The following PAK1 variants were observed in gnomAD, a reference collection of about 807,000 sequenced individuals.
PAK1 encodes the protein serine/threonine-protein kinase PAK 1.
PAK1 carries 29 observed loss-of-function variants against 67.4 expected under a neutral mutation model. That is an observed-to-expected ratio of 0.43 (90% CI 0.32 to 0.59). The LOEUF (loss-of-function observed/expected upper bound fraction) is 0.59. Among genes scored for constraint, PAK1 ranks in the 20% least tolerant of loss-of-function variants. The pLI, the probability that PAK1 is intolerant of heterozygous loss-of-function variation, is 0.07. For missense variants in PAK1, 337 were observed against 670.7 expected, an observed-to-expected ratio of 0.50 and a Z score of 5.50; for synonymous variants, 223 against 237.4, an observed-to-expected ratio of 0.94 and a Z score of 0.56.
At chr11:77,410,285 G>C (rs573111781) in intron 1 of PAK1, among the ~76,000 whole-genome samples, 1 of 152,028 alleles carries the variant, frequency 6.6e-6, no homozygotes, top group Non-Finnish European at 1.5e-5. Flanking sequence ...TTCCCATCTT[G>C]CTTATTCCCT....
intron 1 of PAK1, among the ~76,000 whole-genome samples, chr11:77,407,720 A>G (rs1241906974): frequency 6.6e-6 from 1 of 152,224 alleles, no homozygotes; most frequent in African/African-American, 2.4e-5. Context: ...GCAACCCGCC[A>G]GAAATTGAAT....
At chr11:77,496,415 G>A in the PAK1 span, among the ~76,000 whole-genome samples, 1 of 152,190 alleles carries the variant, frequency 6.6e-6, no homozygotes, top group East Asian at 1.9e-4. Context: ...CTTGAGCCCA[G>A]GAGTTCAAGA....
chr11:77,353,431 AAAG>A (rs1012470245), intron 8 of PAK1, 102 bp downstream of exon 8: 16 of 766,912 alleles, frequency 2.1e-5, no homozygotes, highest in Non-Finnish European at 3.2e-5. Context: ...TAAAGTGGAG[AAAG>A]AAGAACAAGG....
chr11:77,421,066 TC>T (rs1484671330), intron 1 of PAK1, among the ~76,000 whole-genome samples: 4 of 152,152 alleles, frequency 2.6e-5, no homozygotes, highest in African/African-American at 9.7e-5. Flanking sequence ...TCCTGTGGCT[TC>T]CCCAATCTCA....
chr11:77,344,869 T>C (rs193240110), intron 9 of PAK1, among the ~76,000 whole-genome samples: 85 of 152,338 alleles, frequency 5.6e-4, no homozygotes, highest in African/African-American at 2.0e-3. Context: ...AAAGTTCTCA[T>C]GATCTGGCCC....
chr11:77,436,882 T>C (rs1427440409), intron 1 of PAK1, among the ~76,000 whole-genome samples: 3 of 152,200 alleles, frequency 2.0e-5, no homozygotes, highest in Non-Finnish European at 2.9e-5. Context: ...GGAAGCATCA[T>C]GGTCAATCAC....
the PAK1 span, among the ~76,000 whole-genome samples, chr11:77,522,431 A>G: frequency 6.6e-6 from 1 of 152,194 alleles, no homozygotes; most frequent in South Asian, 2.1e-4. Context: ...CTTCCAGTCA[A>G]AGCCTTAGTA....
the PAK1 span, among the ~76,000 whole-genome samples, chr11:77,527,570 T>A: frequency 5.3e-5 from 8 of 152,210 alleles, no homozygotes; most frequent in Non-Finnish European, 1.0e-4. Context: ...ATAGAGGTAG[T>A]AAGTAGCAGA....
At chr11:77,423,954 T>G (rs1955419015) in intron 1 of PAK1, among the ~76,000 whole-genome samples, 1 of 152,196 alleles carries the variant, frequency 6.6e-6, no homozygotes, top group Non-Finnish European at 1.5e-5. Flanking sequence ...ATTTAAAATC[T>G]GAGTCTAGTG....
At chr11:77,482,415 A>G in the PAK1 span, among the ~76,000 whole-genome samples, 1 of 152,174 alleles carries the variant, frequency 6.6e-6, no homozygotes, top group Non-Finnish European at 1.5e-5. Flanking sequence ...GATTATCCTT[A>G]AAAAAGATAT....
At chr11:77,482,200 G>A in the PAK1 span, among the ~76,000 whole-genome samples, 1 of 152,054 alleles carries the variant, frequency 6.6e-6, no homozygotes, top group Non-Finnish European at 1.5e-5. Flanking sequence ...TATTGGTCAG[G>A]CTGGTCTCGA....
At chr11:77,399,604 A>T (rs867781324) in intron 1 of PAK1, among the ~76,000 whole-genome samples, 1 of 152,072 alleles carries the variant, frequency 6.6e-6, no homozygotes, top group Non-Finnish European at 1.5e-5. Context: ...TCACGCCTGT[A>T]ATCCCAGCAC....
intron 1 of PAK1, among the ~76,000 whole-genome samples, chr11:77,434,954 G>T (rs981377582): frequency 1.3e-5 from 2 of 151,708 alleles, no homozygotes; most frequent in African/African-American, 4.8e-5. Flanking sequence ...GTAGAGACAG[G>T]GTTTCCCTAT....
At chr11:77,382,795 C>G (rs2137168986) in intron 2 of PAK1, among the ~76,000 whole-genome samples, 1 of 152,236 alleles carries the variant, frequency 6.6e-6, no homozygotes, top group African/African-American at 2.4e-5. Context: ...GTCAGGAGTT[C>G]AAGACCAGCC....
chr11:77,442,801 TC>T (rs1350171074), intron 1 of PAK1, among the ~76,000 whole-genome samples: 1 of 152,160 alleles, frequency 6.6e-6, no homozygotes, highest in Non-Finnish European at 1.5e-5. Context: ...AAAGCCCCGA[TC>T]ATGAAACCAA....
At chr11:77,501,892 C>T in the PAK1 span, among the ~76,000 whole-genome samples, 1 of 148,060 alleles carries the variant, frequency 6.8e-6, no homozygotes, top group Non-Finnish European at 1.5e-5. Flanking sequence ...TTGTGAGCAC[C>T]CTGACCAATA....
At chr11:77,488,837 GC>G in the PAK1 span, among the ~76,000 whole-genome samples, 1 of 151,966 alleles carries the variant, frequency 6.6e-6, no homozygotes, top group Non-Finnish European at 1.5e-5. Context: ...AGACTTATTG[GC>G]CATAAAAAGG....
At chr11:77,452,818 C>T (rs1281542474) in intron 1 of PAK1, among the ~76,000 whole-genome samples, 1 of 152,120 alleles carries the variant, frequency 6.6e-6, no homozygotes, top group Non-Finnish European at 1.5e-5. Flanking sequence ...AGAGTGTGTT[C>T]ATGGTAGGGC....
chr11:77,323,224 C>T lies in PAK1; in HGVS notation c.*50G>A. The T allele has an allele frequency of 6.2e-7, 1 of 1,612,584 alleles. No homozygotes were observed. The highest frequency in any genetic ancestry group is 8.5e-7 in the Non-Finnish European group (1 of 1,179,260). On this transcript the variant is annotated 3_prime_UTR_variant, in exon 15 of 15. Coordinates refer to ENST00000356341, the MANE Select transcript of PAK1 (RefSeq NM_002576.5). ...CAGGAGTTGGAATTTCTGAAATGTG[C>T]ATTTATCTCACAGAAGGCTTGGCAC... is the stretch of plus-strand genomic sequence containing the variant.
Sources: gnomAD v4.1 joint callset for allele counts (sites outside exome capture counted in the v4.1 genomes callset) on GRCh38, gnomAD v4.1.1 for gene constraint, MANE v1.5 for transcripts, NCBI Gene and HGNC (gene_info 2026-07-23, HGNC 2026-07-21) for gene names.